CELA3B: variants seen among roughly 807,000 people sequenced by gnomAD.
The protein encoded by CELA3B is chymotrypsin-like elastase family member 3B.
CELA3B carries 34 observed loss-of-function variants against 37.2 expected under a neutral mutation model. The observed-to-expected ratio is 0.91, with a 90% CI of 0.70 to 1.22. The LOEUF (loss-of-function observed/expected upper bound fraction) is 1.22. Ranked by LOEUF, CELA3B falls within the 50% of genes most tolerant of loss-of-function variation. The pLI, the probability that CELA3B is intolerant of heterozygous loss-of-function variation, is 0.00. For missense variants in CELA3B, 340 were observed against 363.1 expected (o/e 0.94, Z 0.52); for synonymous variants, 127 against 143.5 (o/e 0.89, Z 0.82).
intron 4 of CELA3B, among the ~76,000 whole-genome samples, chr1:21,997,097 C>T (rs1557869992): frequency 6.6e-6 from 1 of 150,450 alleles, no homozygotes; most frequent in Non-Finnish European, 1.5e-5. Context: ...TGGTGGCTCA[C>T]GCCTGTAATC....
At chr1:21,986,746 G>A in intron 7 of CELA3B, 63 bp downstream of exon 7, 2 of 1,547,736 alleles carry the variant, frequency 1.3e-6, no homozygotes, top group Non-Finnish European at 1.8e-6. Flanking sequence ...GGTGACAGGT[G>A]AGAAACATCG....
downstream of CELA3B, among the ~76,000 whole-genome samples, chr1:21,991,914 C>A (rs12132088): frequency 6.7e-6 from 1 of 150,240 alleles, no homozygotes; most frequent in Non-Finnish European, 1.5e-5. Flanking sequence ...GAGGTCAGGA[C>A]TTTGTGACCA....
chr1:21,986,794 G>A, intron 7 of CELA3B, 111 bp downstream of exon 7: 1 of 1,220,222 alleles, frequency 8.2e-7, no homozygotes, highest in Non-Finnish European at 1.1e-6. Context: ...TAGAAGCTCA[G>A]TGGGGAAGGG....
chr1:21,983,862 G>A, intron 5 of CELA3B, 32 bp downstream of exon 5: 2 of 1,610,748 alleles, frequency 1.2e-6, no homozygotes, highest in Non-Finnish European at 1.7e-6. Flanking sequence ...TGGCCACAGG[G>A]ACAGTGGCAG....
At chr1:21,996,800 A>G (rs1197859603) in intron 4 of CELA3B, among the ~76,000 whole-genome samples, 1 of 150,728 alleles carries the variant, frequency 6.6e-6, no homozygotes, top group African/African-American at 2.5e-5. Flanking sequence ...CTTCCCTGGG[A>G]CAAGAGATAC....
rs769351299 is a variant in CELA3B, at chr1:21,983,812, G to A, written c.481G>A (p.Gly161Ser). The part of the protein sequence containing the change: ...LPNETPCYIT[G>S]WGRLYTNGPL... ...CAACGAGACACCCTGCTACATCACC[G>A]GCTGGGGCCGTCTCTATAGTACGTG... Residue 161 changes from glycine (G) to serine (S), a missense_variant, in exon 5 of 8, where the codon GGC becomes AGC. Gly to Ser is a moderately conservative substitution (Grantham distance 56). Coordinates refer to ENST00000337107, the MANE Select transcript of CELA3B (RefSeq NM_007352.4). 3.3e-5 allele frequency: 53 copies of A among 1,613,860 alleles called. No homozygotes were observed. The highest frequency in any genetic ancestry group is 3.8e-5 in the Non-Finnish European group (45 of 1,180,004).
At chr1:21,979,015 C>T (rs758723620) in intron 2 of CELA3B, among the ~76,000 whole-genome samples, 16 of 149,986 alleles carry the variant, frequency 1.1e-4, no homozygotes, top group Non-Finnish European at 1.6e-4. Context: ...CCACTGCACT[C>T]CAGCCCTGGG....
At chr1:21,992,723 C>A (rs919150087), downstream of CELA3B, among the ~76,000 whole-genome samples, 20 of 151,138 alleles carry the variant, frequency 1.3e-4, 1 homozygote, top group African/African-American at 4.9e-4. Context: ...TGCCTATAAT[C>A]CCAGCACTTT....
At chr1:21,981,850 C>G (rs530058021) in intron 4 of CELA3B, among the ~76,000 whole-genome samples, 60 of 152,062 alleles carry the variant, frequency 3.9e-4, no homozygotes, top group Non-Finnish European at 7.5e-4. Context: ...CTCAGCGTCC[C>G]GAGTAGCTGG....
rs945939860 is a variant in CELA3B, at chr1:21,994,913, G to T, written c.505-3238G>T. On this transcript the variant is annotated intron_variant, in intron 4 of 4. Coordinates refer to the CELA3B transcript ENST00000400277. ...GCGACTCGGCAGGCTGAGGTGGGAG[G>T]ATCGCCTGAGTCAGGAAAGTTGAGG... Among the ~76,000 whole-genome samples, 191 of 147,052 alleles carry T rather than the reference G, an allele frequency of 1.3e-3. 4 individuals carry two copies. Among genetic ancestry groups the T allele is most frequent in the Non-Finnish European group, 9.2e-4 (62 of 67,144 alleles).
downstream of CELA3B, among the ~76,000 whole-genome samples, chr1:21,993,105 C>A (rs114207237): frequency 0.012 from 1,882 of 151,414 alleles, 123 homozygotes; most frequent in African/African-American, 0.043. Flanking sequence ...TATTTCCGCA[C>A]TAAAATACCA....
At chr1:21,993,982 G>T (rs1306405263), downstream of CELA3B, among the ~76,000 whole-genome samples, 6 of 148,788 alleles carry the variant, frequency 4.0e-5, no homozygotes, top group East Asian at 1.2e-3. Flanking sequence ...TCTTCAAACC[G>T]TTTCCCACTC....
chr1:21,985,097 T>C (rs1336058281), intron 6 of CELA3B, among the ~76,000 whole-genome samples: 1 of 151,190 alleles, frequency 6.6e-6, no homozygotes, highest in Non-Finnish European at 1.5e-5. Flanking sequence ...CTAGGTAACA[T>C]AGTGAGATGC....
intron 1 of CELA3B, among the ~76,000 whole-genome samples, chr1:21,977,622 C>T (rs1007976524): frequency 1.3e-5 from 2 of 152,218 alleles, no homozygotes; most frequent in African/African-American, 4.8e-5. Flanking sequence ...ATTCTCACAA[C>T]AGCCTCAGGA....
rs796330030 is a variant in CELA3B, at chr1:21,979,448, C to CTTTTTTT, written c.129+998_129+999insTTTTTTT. 4.2e-4 allele frequency among the ~76,000 whole-genome samples: 46 copies of CTTTTTTT among 108,546 alleles called. 2 individuals carry two copies. The highest frequency in any genetic ancestry group is 6.7e-4 in the Non-Finnish European group (39 of 58,474). 71.2% of individuals were successfully genotyped at this position (108,546 alleles called of 152,430 possible). ...CATATTTCTTTTTTTCTTTTCTTTT[C>CTTTTTTT]TTTTCTTTTTTTTTTTTTTTTTGAG... On this transcript the variant is annotated intron_variant, in intron 2 of 7. Transcript: ENST00000337107.
At chr1:21,988,349 T>A (rs187224742) in intron 7 of CELA3B, among the ~76,000 whole-genome samples, 1 of 151,668 alleles carries the variant, frequency 6.6e-6, no homozygotes, top group African/African-American at 2.4e-5. Flanking sequence ...CCCAGCAATT[T>A]GGTAGGCCGA....
chr1:21,979,283 G>A (rs1191787128), intron 2 of CELA3B, among the ~76,000 whole-genome samples: 2 of 151,476 alleles, frequency 1.3e-5, no homozygotes, highest in Non-Finnish European at 2.9e-5. Flanking sequence ...TGTTGGCCAG[G>A]CCAGTCTGGA....
At chr1:21,989,448 C>A (rs566448625), downstream of CELA3B, 423 of 577,844 alleles carry the variant, frequency 7.3e-4, 2 homozygotes, top group Non-Finnish European at 1.0e-3. Context: ...CCAGGTCCAA[C>A]CCTTTCATAC....
intron 6 of CELA3B, 69 bp downstream of exon 6, chr1:21,984,400 G>A (rs1161842240): frequency 6.4e-7 from 1 of 1,554,256 alleles, no homozygotes; most frequent in Non-Finnish European, 8.7e-7. Context: ...CCAACTGCCT[G>A]GAAGGTGGAG....
Sources: gnomAD v4.1 joint callset for allele counts (sites outside exome capture counted in the v4.1 genomes callset) on GRCh38, gnomAD v4.1.1 for gene constraint, MANE v1.5 for transcripts, NCBI Gene and HGNC (gene_info 2026-07-23, HGNC 2026-07-21) for gene names.